ANKRD11: variants seen among roughly 807,000 people sequenced by gnomAD.
ANKRD11 encodes the protein ankyrin repeat domain 11.
ANKRD11 carries 17 observed loss-of-function variants against 195.7 expected under a neutral mutation model. That is an observed-to-expected ratio of 0.09 (90% CI 0.06 to 0.13). The LOEUF (loss-of-function observed/expected upper bound fraction) is 0.13. Among genes scored for constraint, ANKRD11 ranks in the 10% least tolerant of loss-of-function variants. ANKRD11 has a pLI of 1.00. For synonymous variants in ANKRD11, 1,953 were observed against 1,528.1 expected (o/e 1.28, Z -6.49); for missense variants, 3,735 against 3,566.1 (o/e 1.05, Z -1.21).
At chr16:89,323,314 C>G in intron 2 of ANKRD11, 1 of 1,288,990 alleles carries the variant, frequency 7.8e-7, no homozygotes, top group Non-Finnish European at 1.0e-6. Context: ...CTATGACCCA[C>G]AGCACTGTGG....
At chr16:89,486,152 G>C (rs7185371) in intron 1 of ANKRD11, among the ~76,000 whole-genome samples, 19,987 of 152,206 alleles carry the variant, frequency 0.13, 1,681 homozygotes, top group Middle Eastern at 0.2. Context: ...AAGCAAACTT[G>C]TAATGAAAAC....
At chr16:89,489,438 A>AC (rs1034829443) in intron 1 of ANKRD11, among the ~76,000 whole-genome samples, 1 of 9,748 alleles carries the variant, frequency 1.0e-4, no homozygotes, top group Non-Finnish European at 2.1e-4. Flanking sequence ...AACACCCCCC[A>AC]CACGGCTGCC....
At chr16:89,364,554 C>T (rs755250994) in intron 2 of ANKRD11, among the ~76,000 whole-genome samples, 4 of 152,220 alleles carry the variant, frequency 2.6e-5, no homozygotes, top group African/African-American at 9.6e-5. Context: ...GCAGTCAGAC[C>T]CTAAAGCAGA....
chr16:89,438,712 C>G (rs1197277193), intron 1 of ANKRD11, among the ~76,000 whole-genome samples: 1 of 152,100 alleles, frequency 6.6e-6, no homozygotes, highest in Non-Finnish European at 1.5e-5. Flanking sequence ...CAAGCACAGT[C>G]CCTTCGAAGC....
intron 2 of ANKRD11, among the ~76,000 whole-genome samples, chr16:89,381,046 G>A (rs1279877672): frequency 6.6e-6 from 1 of 152,184 alleles, no homozygotes; most frequent in African/African-American, 2.4e-5. Flanking sequence ...AGGGCGGCTG[G>A]GCGAGGTGGC....
chr16:89,410,749 C>T (rs997737665), intron 2 of ANKRD11, among the ~76,000 whole-genome samples: 1 of 152,254 alleles, frequency 6.6e-6, no homozygotes, highest in Non-Finnish European at 1.5e-5. Flanking sequence ...TTACAAAGAA[C>T]CCTCGCTTCT....
Position 89,407,262 on chromosome 16 carries a change from C to T in ANKRD11, c.-60+11022G>A, listed in dbSNP as rs79614484. On this transcript the variant is annotated intron_variant, in intron 2 of 12. Coordinates refer to ENST00000301030, the MANE Select transcript of ANKRD11 (RefSeq NM_013275.6). ...GCACACGAGGAACATCAGCAAAGGA[C>T]TGACAGAAAAAGACTCATATTTTTA... Among the ~76,000 whole-genome samples, 5 of 151,398 alleles carry T rather than the reference C, an allele frequency of 3.3e-5. No homozygotes were observed. The East Asian group carries it at 9.7e-4, about 29-fold the overall frequency.
chr16:89,398,158 G>C (rs1045571464), intron 2 of ANKRD11, among the ~76,000 whole-genome samples: 1 of 148,744 alleles, frequency 6.7e-6, no homozygotes, highest in East Asian at 2.0e-4. Flanking sequence ...GACTACCTGT[G>C]ACCTCAGCAC....
intron 1 of ANKRD11, among the ~76,000 whole-genome samples, chr16:89,481,864 TTTC>T (rs1437906877): frequency 6.6e-6 from 1 of 152,070 alleles, no homozygotes; most frequent in Non-Finnish European, 1.5e-5. Flanking sequence ...CTTACTCTGA[TTTC>T]TGCAGTGACA....
In ANKRD11 at chr16:89,337,476, G is replaced by A. The variant is rs1177284059; in HGVS notation, c.-59-20398C>T. ...TTTTTTGAGACAGTCTCCCTCTGTCGCCCAGGCTGGAGTGCAGTGGTGCGA... is the reference window on the plus strand; with the variant it reads ...TTTTTTGAGACAGTCTCCCTCTGTCACCCAGGCTGGAGTGCAGTGGTGCGA... On this transcript the variant is annotated intron_variant, in intron 2 of 12. Coordinates refer to ENST00000301030, the MANE Select transcript of ANKRD11 (RefSeq NM_013275.6). Among the ~76,000 whole-genome samples, 36 of 108,048 alleles carry A rather than the reference G, an allele frequency of 3.3e-4. No individual in the cohort carries two copies. In the Admixed American group the frequency reaches 4.4e-3, roughly 13 times the overall value. The allele number at this position is 108,048 out of a possible 152,430, so 70.9% of individuals were successfully genotyped here.
At position 89,268,655 on chromosome 16, in the gene ANKRD11, G is replaced by A. The variant is rs774722465; in HGVS notation, c.7815C>T (p.Leu2605=). The A allele has an allele frequency of 5.1e-6, 8 of 1,582,022 alleles. No individual in the cohort carries two copies. In the Admixed American group the frequency reaches 7.4e-5, roughly 15 times the overall value. ...CGGCCTCGTGCTGCTGCCGCATGAG[G>A]AGGCAAGTCTGCGGGACACACAGCG... ...DDKYDRMKTC[L]LMRQQHEAAA... The change falls in exon 13 of 13, where the codon CTC becomes CTT. Residue 2605 remains leucine, a synonymous_variant. Transcript: ENST00000301030.
At chr16:89,346,082 C>G (rs1479934287) in intron 2 of ANKRD11, among the ~76,000 whole-genome samples, 1 of 150,124 alleles carries the variant, frequency 6.7e-6, no homozygotes, top group African/African-American at 2.5e-5. Context: ...TCTCCACTAA[C>G]AACACAAAAA....
chr16:89,275,288 C>G (rs1011997779), intron 9 of ANKRD11, 97 bp from the exon 10 acceptor site: 2 of 1,058,566 alleles, frequency 1.9e-6, no homozygotes, highest in Non-Finnish European at 2.8e-6. Context: ...TCAGCCTCCC[C>G]ACTCCTAGGA....
chr16:89,303,802 C>T (rs958247179), intron 4 of ANKRD11, among the ~76,000 whole-genome samples: 2 of 152,210 alleles, frequency 1.3e-5, no homozygotes, highest in African/African-American at 4.8e-5. Flanking sequence ...CTGACAAAAG[C>T]TGGGGTGTGG....
chr16:89,364,084 A>ACACT (rs1491127960), intron 2 of ANKRD11, among the ~76,000 whole-genome samples: 2 of 151,024 alleles, frequency 1.3e-5, no homozygotes, highest in East Asian at 2.0e-4. Context: ...ACACACACAC[A>ACACT]CTCAATGGAA....
chr16:89,377,658 G>A (rs35043801), intron 2 of ANKRD11, among the ~76,000 whole-genome samples: 1 of 152,130 alleles, frequency 6.6e-6, no homozygotes, highest in African/African-American at 2.4e-5. Context: ...AGACACTCCT[G>A]CAGAGGGGAG....
chr16:89,407,668 T>TAC (rs112958844), intron 2 of ANKRD11, among the ~76,000 whole-genome samples: 8,759 of 150,768 alleles, frequency 0.058, 408 homozygotes, highest in African/African-American at 0.13. Flanking sequence ...CAAACACACA[T>TAC]ACACACACAC....
chr16:89,420,795 C>T (rs570443531), intron 1 of ANKRD11, among the ~76,000 whole-genome samples: 4 of 152,300 alleles, frequency 2.6e-5, no homozygotes, highest in East Asian at 3.9e-4. Flanking sequence ...CAGCTCACTG[C>T]GGCCTCAACC....
Position 89,275,087 on chromosome 16 carries a change from A to C in ANKRD11, c.7569+6T>G. 2 of 1,612,850 alleles carry C rather than the reference A, an allele frequency of 1.2e-6. No individual in the cohort carries two copies. The highest frequency in any genetic ancestry group is 1.7e-6 in the Non-Finnish European group (2 of 1,179,702). On this transcript the variant is annotated splice_donor_region_variant and intron_variant, in intron 10 of 12. Coordinates refer to ENST00000301030, the MANE Select transcript of ANKRD11 (RefSeq NM_013275.6). ...GGCGCCCCCCTGCCTGTGCCAGCCCACTTACCCGCTCGATGCTGTGCTGTA... is the reference window on the plus strand; with the variant it reads ...GGCGCCCCCCTGCCTGTGCCAGCCCCCTTACCCGCTCGATGCTGTGCTGTA...
Sources: gnomAD v4.1 joint callset for allele counts (sites outside exome capture counted in the v4.1 genomes callset) on GRCh38, gnomAD v4.1.1 for gene constraint, MANE v1.5 for transcripts, NCBI Gene and HGNC (gene_info 2026-07-23, HGNC 2026-07-21) for gene names.